The following DLGAP2 variants were observed in gnomAD, a reference collection of about 807,000 sequenced individuals.
DLGAP2 encodes disks large-associated protein 2.
DLGAP2 carries 26 observed loss-of-function variants against 100.3 expected under a neutral mutation model. The observed-to-expected ratio is 0.26, with a 90% CI of 0.19 to 0.36. DLGAP2 has a LOEUF of 0.36. Among genes scored for constraint, DLGAP2 ranks in the 10% least tolerant of loss-of-function variants. DLGAP2 has a pLI of 1.00. For synonymous variants in DLGAP2, 886 were observed against 630.1 expected (o/e 1.41, Z -6.08); for missense variants, 1,858 against 1,453.2 (o/e 1.28, Z -4.53).
chr8:1,204,682 G>A (rs1294651579), intron 2 of DLGAP2, among the ~76,000 whole-genome samples: 1 of 152,138 alleles, frequency 6.6e-6, no homozygotes, highest in South Asian at 2.1e-4. Flanking sequence ...CATCCTTCTT[G>A]TGAGATCCTT....
chr8:1,288,605 TG>T (rs1799991633), intron 3 of DLGAP2, among the ~76,000 whole-genome samples: 2 of 140,852 alleles, frequency 1.4e-5, no homozygotes, highest in African/African-American at 5.4e-5. Flanking sequence ...TGTGTGTGTG[TG>T]TGGTAGGAGG....
chr8:1,105,076 C>T (rs1804712670), intron 2 of DLGAP2: 3 of 152,246 alleles, frequency 2.0e-5, no homozygotes, highest in Admixed American at 1.3e-4. Flanking sequence ...GGTGCGGTCT[C>T]ATGACATGAG....
chr8:849,311 A>C (rs1354902782), intron 1 of DLGAP2, among the ~76,000 whole-genome samples: 2 of 152,214 alleles, frequency 1.3e-5, no homozygotes, highest in African/African-American at 2.4e-5. Context: ...CCCATGTTCC[A>C]GTACAGGAAC....
intron 4 of DLGAP2, among the ~76,000 whole-genome samples, chr8:1,546,766 G>T (rs1801553149): frequency 6.6e-6 from 1 of 152,126 alleles, no homozygotes; most frequent in Non-Finnish European, 1.5e-5. Flanking sequence ...GCAAGCAGGG[G>T]TGCATCTCAG....
At chr8:1,541,250 C>T (rs1801352447) in intron 4 of DLGAP2, among the ~76,000 whole-genome samples, 1 of 152,162 alleles carries the variant, frequency 6.6e-6, no homozygotes, top group South Asian at 2.1e-4. Context: ...TTTATTTATT[C>T]ATTCCATTAT....
intron 4 of DLGAP2, among the ~76,000 whole-genome samples, chr8:1,537,761 G>T (rs964369871): frequency 6.6e-6 from 1 of 151,698 alleles, no homozygotes; most frequent in South Asian, 2.1e-4. Flanking sequence ...AAGGAAGGAA[G>T]GAAGGAAGGA....
At chr8:863,695 G>C (rs568109590) in intron 1 of DLGAP2, among the ~76,000 whole-genome samples, 1 of 152,308 alleles carries the variant, frequency 6.6e-6, no homozygotes, top group Non-Finnish European at 1.5e-5. Context: ...GCCCCTGTTC[G>C]ACTGGCTTTC....
intron 8 of DLGAP2, among the ~76,000 whole-genome samples, chr8:1,638,297 A>T (rs1012936882): frequency 1.3e-5 from 2 of 152,174 alleles, no homozygotes; most frequent in Non-Finnish European, 2.9e-5. Context: ...GCCCAAATCC[A>T]ATCTGTCCGG....
At chr8:1,124,487 T>C (rs566016737) in intron 2 of DLGAP2, among the ~76,000 whole-genome samples, 1 of 152,350 alleles carries the variant, frequency 6.6e-6, no homozygotes, top group South Asian at 2.1e-4. Context: ...GCTAATGTTT[T>C]CCTATGTTTC....
chr8:1,378,506 C>T (rs1233748992), intron 3 of DLGAP2, among the ~76,000 whole-genome samples: 1 of 151,904 alleles, frequency 6.6e-6, no homozygotes, highest in Non-Finnish European at 1.5e-5. Context: ...ACCTGTCTTT[C>T]CTGCGCACAC....
At chr8:1,347,375 T>A (rs1453413598) in intron 3 of DLGAP2, among the ~76,000 whole-genome samples, 1 of 151,768 alleles carries the variant, frequency 6.6e-6, no homozygotes, top group African/African-American at 2.4e-5. Flanking sequence ...ACATCTGCAT[T>A]GCTCTCATGG....
intron 2 of DLGAP2, among the ~76,000 whole-genome samples, chr8:1,160,419 G>A (rs1400110246): frequency 6.6e-6 from 1 of 152,214 alleles, no homozygotes; most frequent in African/African-American, 2.4e-5. Flanking sequence ...GCGCGGGCGT[G>A]AGTGTGCACG....
chr8:765,589 C>T (rs1333720706), intron 1 of DLGAP2, among the ~76,000 whole-genome samples: 2 of 152,066 alleles, frequency 1.3e-5, no homozygotes, highest in Non-Finnish European at 2.9e-5. Flanking sequence ...AACAGCACCC[C>T]AAAATGGTCC....
chr8:1,049,400 T>TAGGAGGTGGC (rs1456857152), intron 2 of DLGAP2, among the ~76,000 whole-genome samples: 4 of 152,076 alleles, frequency 2.6e-5, no homozygotes, highest in African/African-American at 9.7e-5. Context: ...GCCACCTGGG[T>TAGGAGGTGGC]AGGAACATTT....
chr8:1,386,037 A>T, intron 3 of DLGAP2, among the ~76,000 whole-genome samples: 1 of 152,280 alleles, frequency 6.6e-6, no homozygotes, highest in East Asian at 1.9e-4. Context: ...CTTGTTACAA[A>T]AATATGGTTT....
intron 3 of DLGAP2, among the ~76,000 whole-genome samples, chr8:1,309,957 T>C (rs1800576754): frequency 6.7e-6 from 1 of 150,282 alleles, no homozygotes; most frequent in Non-Finnish European, 1.5e-5. Context: ...TAGCCAGGTG[T>C]GGTGTTGGTT....
chr8:1,323,911 A>T (rs1386512920), intron 3 of DLGAP2, among the ~76,000 whole-genome samples: 1 of 152,154 alleles, frequency 6.6e-6, no homozygotes, highest in Non-Finnish European at 1.5e-5. Flanking sequence ...TTTGTTTATT[A>T]TTTATGCTCT....
At chr8:940,064 G>A (rs1799158914) in intron 2 of DLGAP2, among the ~76,000 whole-genome samples, 2 of 152,062 alleles carry the variant, frequency 1.3e-5, no homozygotes, top group African/African-American at 2.4e-5. Context: ...GCTATGGAGT[G>A]CAGTAGGGTG....
chr8:1,180,096 C>T (rs1797347037), intron 2 of DLGAP2, among the ~76,000 whole-genome samples: 2 of 152,196 alleles, frequency 1.3e-5, no homozygotes, highest in South Asian at 2.1e-4. Flanking sequence ...CCATAACATT[C>T]AATAAATAAG....
Sources: gnomAD v4.1 joint callset for allele counts (sites outside exome capture counted in the v4.1 genomes callset) on GRCh38, gnomAD v4.1.1 for gene constraint, MANE v1.5 for transcripts, NCBI Gene and HGNC (gene_info 2026-07-23, HGNC 2026-07-21) for gene names.